The following POLR1G variants were observed in gnomAD, a reference collection of about 807,000 sequenced individuals.
POLR1G encodes RNA polymerase I subunit G.
A neutral mutation model predicts 6.3 loss-of-function variants in POLR1G; 9 were observed. The ratio of observed to expected loss-of-function variants is 1.44; its 90% CI spans 0.87 to 2.51. POLR1G has a LOEUF of 2.51. Ranked by LOEUF, POLR1G falls within the 30% of genes most tolerant of loss-of-function variation. POLR1G has a pLI of 0.00. For missense variants in POLR1G, 617 were observed against 632.5 expected, an observed-to-expected ratio of 0.98 and a Z score of 0.26; for synonymous variants, 248 against 256.5, an observed-to-expected ratio of 0.97 and a Z score of 0.32.
In POLR1G at chr19:45,408,673, A is replaced by C. The variant is rs1599792424; in HGVS notation, c.705A>C (p.Thr235=). ...CAGGGCCTGTGGGGACAGAGCCCAC[A>C]GTGGAGACACTGGAGCCTCTGGGAG... is the stretch of plus-strand genomic sequence containing the variant. ...EAAGPVGTEP[T]VETLEPLGVL... The change falls in exon 3 of 3, where the codon ACA becomes ACC. Residue 235 remains threonine, a synonymous_variant. Coordinates refer to ENST00000309424, the MANE Select transcript of POLR1G (RefSeq NM_012099.3). 2.5e-6 allele frequency: 4 copies of C among 1,613,896 alleles called. No individual in the cohort carries two copies. In the African/African-American group the frequency reaches 4.0e-5, roughly 16 times the overall value.
rs1471699340 is a variant in POLR1G at position 45,408,393 on chromosome 19, C to T, written c.425C>T (p.Pro142Leu). ...CCAGCAAGTCCCCCACCACAGATCC[C>T]TCCTGGCCTGAGGCCTCGGTTCTGT... ...PIPASPPPQI[P>L]PGLRPRFCAF... Residue 142 changes from proline to leucine, a missense_variant, in exon 3 of 3, where the codon CCT becomes CTT. Physicochemically the swap from Pro to Leu is moderately conservative, Grantham distance 98. Transcript: ENST00000309424. The T allele has an allele frequency of 1.2e-6, 2 of 1,613,102 alleles. No homozygotes were observed. Among genetic ancestry groups the T allele is most frequent in the Non-Finnish European group, 8.5e-7 (1 of 1,179,486 alleles).
rs542122363 is a variant in POLR1G, at chr19:45,410,565, TTGTGTGTGTGTGTGTG to T, written c.*1081_*1096del. ...ATAGTATGTCTTATTCATTCTTTCTTTGTGTGTGTGTGTGTGTGTGTGTGTGTGTGTGGTACCCATT... is the reference window on the plus strand; with the variant it reads ...ATAGTATGTCTTATTCATTCTTTCTTTGTGTGTGTGTGTGTGGTACCCATT... On this transcript the variant is annotated 3_prime_UTR_variant, in exon 3 of 3. Transcript: ENST00000309424. 7.1e-6 allele frequency: 1 copy of T among 140,614 alleles called. No homozygotes were observed. Among genetic ancestry groups the T allele is most frequent in the Admixed American group, 7.3e-5 (1 of 13,752 alleles). The allele number at this position is 140,614 out of a possible 1,614,324, so 8.7% of individuals were successfully genotyped here.
chr19:45,407,457 T>G lies in POLR1G; in HGVS notation c.164+222T>G, dbSNP rs564538579. ...CTACTTATAAGAAACTATAAGGAAC[T>G]ATAGTTAAACTTGGAGTGTGCAGAT... On this transcript the variant is annotated intron_variant, in intron 2 of 2. Transcript: ENST00000309424. 12 of 524,950 alleles carry G rather than the reference T, an allele frequency of 2.3e-5. No homozygotes were observed. In the East Asian group the frequency reaches 3.9e-4, roughly 17 times the overall value. The allele number at this position is 524,950 out of a possible 1,614,324, so 32.5% of individuals were successfully genotyped here. A position where few individuals can be genotyped will look rare whatever the true frequency, so the allele number is the denominator to read the frequency against.
At position 45,409,603 on chromosome 19, in the gene POLR1G, G is replaced by A. The variant is rs743571; in HGVS notation, c.*102G>A. The A allele has an allele frequency of 1.8e-5, 28 of 1,576,514 alleles. 1 individual carries two copies. In the South Asian group the frequency reaches 2.4e-4, roughly 13 times the overall value. ...ATCCCTCCCCAGAGACTGCACCAGC[G>A]CAGCCAGCAGGAGCCTGGCCTGGGA... is the stretch of plus-strand genomic sequence containing the variant. On this transcript the variant is annotated 3_prime_UTR_variant, in exon 3 of 3. Coordinates refer to ENST00000309424, the MANE Select transcript of POLR1G (RefSeq NM_012099.3).
chr19:45,406,655 A>G lies in POLR1G; in HGVS notation c.-42A>G, dbSNP rs759957997. The G allele has an allele frequency of 3.9e-6, 6 of 1,546,306 alleles. No homozygotes were observed. Among genetic ancestry groups the G allele is most frequent in the Non-Finnish European group, 5.2e-6 (6 of 1,145,122 alleles). On this transcript the variant is annotated 5_prime_UTR_variant, in exon 1 of 3. Transcript: ENST00000309424. This position sits in a 1 kb window ranked among gnomAD's most constrained non-coding sequence, Gnocchi z 4.2. ...TCCACGTGGTCTGCAACCTGGTGCG[A>G]GCAGCCCGGGCTACAGGGTTGCCTG...
At position 45,409,220 on chromosome 19, in the gene POLR1G, C is replaced by T. The variant is rs1973534600; in HGVS notation, c.1252C>T (p.Pro418Ser). ...GGATGACCTTGAGCCTCAGGCAGCTCCCACATCCACCAAGAAGAAGAAGAA... is the reference window on the plus strand; with the variant it reads ...GGATGACCTTGAGCCTCAGGCAGCTTCCACATCCACCAAGAAGAAGAAGAA... The part of the protein sequence containing the change: ...LPDDLEPQAA[P>S]TSTKKKKKKK... Residue 418 changes from proline (P) to serine (S), a missense_variant, in exon 3 of 3, where the codon CCC (proline) becomes TCC (serine). By Grantham distance (74) the Pro-to-Ser change is moderately conservative. Coordinates refer to ENST00000309424, the MANE Select transcript of POLR1G (RefSeq NM_012099.3). 6.2e-7 allele frequency: 1 copy of T among 1,610,916 alleles called. No individual in the cohort carries two copies.
At position 45,408,358 on chromosome 19, in the gene POLR1G, G is replaced by A. The variant is rs1378154645; in HGVS notation, c.390G>A (p.Leu130=). 3 of 1,608,126 alleles carry A rather than the reference G, an allele frequency of 1.9e-6. No individual in the cohort carries two copies. Among genetic ancestry groups the A allele is most frequent in the South Asian group, 2.2e-5 (2 of 90,784 alleles). The change falls in exon 3 of 3, where the codon CTG becomes CTA. Residue 130 remains leucine (L), a synonymous_variant. Coordinates refer to ENST00000309424, the MANE Select transcript of POLR1G (RefSeq NM_012099.3). ...GPQQSLSGSP[L]QPIPASPPPQ... is the part of the protein sequence containing the mutation. ...AGCAATCCCTGTCAGGGAGCCCTCTGCAGCCCATCCCAGCAAGTCCCCCAC... is the reference window on the plus strand; with the variant it reads ...AGCAATCCCTGTCAGGGAGCCCTCTACAGCCCATCCCAGCAAGTCCCCCAC...
rs1568572895 is a variant in POLR1G, at chr19:45,409,842, T to C, written c.*341T>C. Reference sequence around the variant, plus strand: ...CCCTATACCCTCAAGCATTTATCCATTGAGTTACAAACAATCCAGTTACAA... The same window carrying C: ...CCCTATACCCTCAAGCATTTATCCACTGAGTTACAAACAATCCAGTTACAA... On this transcript the variant is annotated 3_prime_UTR_variant, in exon 3 of 3. Coordinates refer to ENST00000309424, the MANE Select transcript of POLR1G (RefSeq NM_012099.3). The C allele has an allele frequency of 1.3e-5, 9 of 688,318 alleles. No individual in the cohort carries two copies. Among genetic ancestry groups the C allele is most frequent in the South Asian group, 3.1e-5 (2 of 64,232 alleles). The allele number at this position is 688,318 out of a possible 1,614,324, so 42.6% of individuals were successfully genotyped here.
rs1368688038 is a variant in POLR1G, at chr19:45,406,712, G to A, written c.16G>A (p.Ala6Thr). 2 of 1,533,564 alleles carry A rather than the reference G, an allele frequency of 1.3e-6. No individual in the cohort carries two copies. The highest frequency in any genetic ancestry group is 2.4e-5 in the South Asian group (2 of 81,786). 95.0% of individuals were successfully genotyped at this position (1,533,564 alleles called of 1,614,324 possible). The change falls in exon 1 of 3, where the codon GCC becomes ACC. Residue 6 changes from alanine (A) to threonine (T), a missense_variant. Physicochemically the swap from Ala to Thr is moderately conservative, Grantham distance 58. Transcript: ENST00000309424. This position sits in a 1 kb window ranked among gnomAD's most constrained non-coding sequence, Gnocchi z 4.2. MEEPQAGDAARFSCPP... is the reference protein window; with the variant it reads MEEPQTGDAARFSCPP... ...GGGTCCCAGGATGGAGGAGCCCCAG[G>A]CCGGCGGTGAGGGTGCGGGTTGACG...
chr19:45,407,496 G>C, intron 2 of POLR1G: 1 of 450,508 alleles, frequency 2.2e-6, no homozygotes, highest in Non-Finnish European at 3.9e-6. Flanking sequence ...CTCACTAAAG[G>C]TAGGGGCTAT....
At position 45,409,854 on chromosome 19, in the gene POLR1G, C is replaced by A. The variant is rs946021333; in HGVS notation, c.*353C>A. ...AAGCATTTATCCATTGAGTTACAAA[C>A]AATCCAGTTACAATCTTTTTAAGTT... On this transcript the variant is annotated 3_prime_UTR_variant, in exon 3 of 3. Coordinates refer to ENST00000309424, the MANE Select transcript of POLR1G (RefSeq NM_012099.3). 9 of 630,816 alleles carry A rather than the reference C, an allele frequency of 1.4e-5. No homozygotes were observed. In the East Asian group the frequency reaches 2.6e-4, roughly 18 times the overall value. 39.1% of individuals were successfully genotyped at this position (630,816 alleles called of 1,614,324 possible).
intron 2 of POLR1G, chr19:45,407,876 T>C: frequency 2.8e-6 from 1 of 358,300 alleles, no homozygotes; most frequent in East Asian, 4.4e-5. Flanking sequence ...GCCAACATAG[T>C]GAAATTGTCT....
At position 45,407,295 on chromosome 19, in the gene POLR1G, G is replaced by C. The variant is rs572885712; in HGVS notation, c.164+60G>C. ...GTCCAGACCCCAAGAGCGGGTTCTT[G>C]AATTTGTCACAGGAAAGAATTAGAG... is the stretch of plus-strand genomic sequence containing the variant. On this transcript the variant is annotated intron_variant, in intron 2 of 2. Transcript: ENST00000309424. 22 of 1,517,032 alleles carry C rather than the reference G, an allele frequency of 1.5e-5. No homozygotes were observed. In the South Asian group the frequency reaches 2.2e-4, roughly 15 times the overall value. The allele number at this position is 1,517,032 out of a possible 1,614,324, so 94.0% of individuals were successfully genotyped here.
Position 45,409,040 on chromosome 19 carries a change from G to T in POLR1G, c.1072G>T (p.Glu358Ter). 1 of 1,614,106 alleles carries T rather than the reference G, an allele frequency of 6.2e-7. No individual in the cohort carries two copies. Among genetic ancestry groups the T allele is most frequent in the East Asian group, 2.2e-5 (1 of 44,874 alleles). The change falls in exon 3 of 3, where the codon GAG (glutamate) becomes TAG (stop). Residue 358 changes from glutamate to a stop codon, truncating the protein, a stop_gained. Transcript: ENST00000309424. LOFTEE classifies it low-confidence loss of function (END_TRUNC). ...EPVEPEMKPL[E>*]SPGGTMAPQQ... The stretch of plus-strand genomic sequence containing the variant: ...AGTGGAGCCGGAGATGAAGCCTCTG[G>T]AGTCCCCAGGGGGGACCATGGCGCC...
chr19:45,409,199 G>T lies in POLR1G; in HGVS notation c.1231G>T (p.Asp411Tyr). ...GGTGGTGGGGCCTGAGCTGCCGGAT[G>T]ACCTTGAGCCTCAGGCAGCTCCCAC... ...TEVVGPELPDDLEPQAAPTST... is the reference protein window; with the variant it reads ...TEVVGPELPDYLEPQAAPTST... The change falls in exon 3 of 3, where the codon GAC becomes TAC. Residue 411 changes from aspartate to tyrosine, a missense_variant. By Grantham distance (160) the Asp-to-Tyr change is radical (BLOSUM62 -3). Transcript: ENST00000309424. The T allele has an allele frequency of 6.2e-7, 1 of 1,613,498 alleles. No individual in the cohort carries two copies. The highest frequency in any genetic ancestry group is 1.1e-5 in the South Asian group (1 of 90,994).
At position 45,409,531 on chromosome 19, in the gene POLR1G, A is replaced by C. The variant is rs1233230614; in HGVS notation, c.*30A>C. On this transcript the variant is annotated 3_prime_UTR_variant, in exon 3 of 3. Coordinates refer to ENST00000309424, the MANE Select transcript of POLR1G (RefSeq NM_012099.3). ...CCCCCGGGAAACTGAGGAACTAAAG[A>C]AAGCTGAAGGTGCCCACCTGGGCCA... 1 of 1,582,742 alleles carries C rather than the reference A, an allele frequency of 6.3e-7. No individual in the cohort carries two copies. Among genetic ancestry groups the C allele is most frequent in the East Asian group, 2.3e-5 (1 of 43,452 alleles).
At chr19:45,407,925 G>A (rs1973440103) in intron 2 of POLR1G, 3 of 527,002 alleles carry the variant, frequency 5.7e-6, no homozygotes, top group Non-Finnish European at 9.2e-6. Flanking sequence ...GTGGTGGCAG[G>A]TGCCTGTAAT....
intron 2 of POLR1G, chr19:45,407,579 G>A: frequency 3.3e-6 from 1 of 303,122 alleles, no homozygotes; most frequent in Non-Finnish European, 6.1e-6. Context: ...AATGGGGGCT[G>A]CATTCTTAGG....
At chr19:45,408,034 A>G in intron 2 of POLR1G, 99 bp from the exon 3 acceptor site, 1 of 1,452,796 alleles carries the variant, frequency 6.9e-7, no homozygotes. Flanking sequence ...AGCCTAGGCA[A>G]CAGAGCAAGA....
Sources: allele counts gnomAD v4.1 joint callset, GRCh38; gene constraint gnomAD v4.1.1; non-coding constraint Gnocchi (gnomAD v3.1); transcripts MANE v1.5; gene names NCBI Gene and HGNC (gene_info 2026-07-23, HGNC 2026-07-21).